Variants in FGF14 observed in about 807,000 individuals in gnomAD.
The protein encoded by FGF14 is fibroblast growth factor homologous factor 4.
A neutral mutation model predicts 25.5 loss-of-function variants in FGF14; 5 were observed. That is an observed-to-expected ratio of 0.20 (90% confidence interval 0.10 to 0.41). FGF14 has a LOEUF of 0.41. FGF14 is among the 10% of genes least tolerant of loss of function. The probability of loss-of-function intolerance (pLI) is 1.00; values close to 1 mark genes in which losing one functional copy is unlikely to be tolerated. For missense variants in FGF14, 222 were observed against 320.1 expected, an observed-to-expected ratio of 0.69 and a Z score of 2.34; for synonymous variants, 138 against 118.3, an observed-to-expected ratio of 1.17 and a Z score of -1.08.
intron 1 of FGF14, among the ~76,000 whole-genome samples, chr13:101,973,051 AAAG>A (rs1381895363): frequency 6.6e-6 from 1 of 152,206 alleles, no homozygotes; most frequent in Non-Finnish European, 1.5e-5. Flanking sequence ...CTTCACTTAA[AAAG>A]AAGAAAACTC....
At chr13:102,041,105 A>T (rs2041710921) in intron 1 of FGF14, among the ~76,000 whole-genome samples, 1 of 152,024 alleles carries the variant, frequency 6.6e-6, no homozygotes, top group Non-Finnish European at 1.5e-5. Context: ...TTACAAACAA[A>T]TATTGTATGT....
In FGF14 at chr13:101,790,409, C is replaced by CTT. The variant is rs3064706; in HGVS notation, c.409-63601_409-63600dup. Reference sequence around the variant, plus strand: ...TTTACTAGCTGGCTCTATTCATTTTCTTTTTTTTTTTTTTTTAACTTTTGT... The same window carrying CTT: ...TTTACTAGCTGGCTCTATTCATTTTCTTTTTTTTTTTTTTTTTTAACTTTTGT... On this transcript the variant is annotated intron_variant, in intron 3 of 4. Coordinates refer to ENST00000376143, the MANE Select transcript of FGF14 (RefSeq NM_004115.4). Among the ~76,000 whole-genome samples, 186 of 143,166 alleles carry CTT rather than the reference C, an allele frequency of 1.3e-3. 1 individual carries two copies. The highest frequency in any genetic ancestry group is 4.0e-3 in the East Asian group (19 of 4,694). The allele number at this position is 143,166 out of a possible 152,430, so 93.9% of individuals were successfully genotyped here.
At chr13:101,785,704 T>C (rs1232952659) in intron 3 of FGF14, among the ~76,000 whole-genome samples, 3 of 152,212 alleles carry the variant, frequency 2.0e-5, no homozygotes, top group African/African-American at 4.8e-5. Context: ...GCTGGCTCTA[T>C]AGTATTATAT....
intron 1 of FGF14, among the ~76,000 whole-genome samples, chr13:102,040,586 G>A (rs1241754667): frequency 6.6e-6 from 1 of 152,122 alleles, no homozygotes; most frequent in Non-Finnish European, 1.5e-5. Context: ...CGCTAGGAAA[G>A]CTTCTTTGTA....
At chr13:102,052,009 T>G (rs1022850492) in intron 1 of FGF14, among the ~76,000 whole-genome samples, 1 of 152,212 alleles carries the variant, frequency 6.6e-6, no homozygotes, top group Non-Finnish European at 1.5e-5. Context: ...ACAATTCAGT[T>G]AATCAGGAAA....
chr13:102,078,144 G>A (rs1595193449), intron 1 of FGF14, among the ~76,000 whole-genome samples: 1 of 152,094 alleles, frequency 6.6e-6, no homozygotes, highest in Admixed American at 6.5e-5. Context: ...CGGGGTGGGG[G>A]CTCAGAAGAT....
rs543798181 is a variant in FGF14 at position 102,208,930 on chromosome 13, C to T, written c.208+192541G>A. Among the ~76,000 whole-genome samples the T allele has an allele frequency of 5.0e-4, 76 of 152,228 alleles. 1 individual carries two copies. In the South Asian group the frequency reaches 6.2e-3, roughly 12 times the overall value. ...AAATAGGCTCGTTGTATTATTTCTA[C>T]CCAAATTTAAATGATTCTTTTCACT... On this transcript the variant is annotated intron_variant, in intron 1 of 4. Transcript: ENST00000376131.
chr13:101,943,826 A>AAAAAATATAT (rs1555324449), intron 1 of FGF14, among the ~76,000 whole-genome samples: 1 of 126,808 alleles, frequency 7.9e-6, no homozygotes, highest in African/African-American at 3.4e-5. Context: ...AAAAAAAAAA[A>AAAAAATATAT]ATATATATAT....
At chr13:102,247,301 C>T (rs1481485079) in intron 1 of FGF14, among the ~76,000 whole-genome samples, 1 of 151,940 alleles carries the variant, frequency 6.6e-6, no homozygotes, top group Non-Finnish European at 1.5e-5. Flanking sequence ...AACAGACAAC[C>T]TACAGGATGG....
chr13:102,282,224 G>C (rs1049031059), intron 1 of FGF14, among the ~76,000 whole-genome samples: 4 of 151,958 alleles, frequency 2.6e-5, no homozygotes, highest in African/African-American at 4.8e-5. Flanking sequence ...GCACTACCAT[G>C]CCAAGCTAAT....
chr13:102,016,246 T>G (rs1033285940), intron 1 of FGF14, among the ~76,000 whole-genome samples: 18 of 152,246 alleles, frequency 1.2e-4, no homozygotes, highest in South Asian at 4.1e-4. Context: ...AAACAAACTA[T>G]TTTCTCTTCC....
intron 1 of FGF14, among the ~76,000 whole-genome samples, chr13:102,352,489 C>A (rs1398306381): frequency 3.3e-5 from 5 of 152,152 alleles, no homozygotes; most frequent in Non-Finnish European, 5.9e-5. Context: ...TAGCCATCAG[C>A]AATTACATAA....
At chr13:102,310,035 G>A (rs2055647319) in intron 1 of FGF14, among the ~76,000 whole-genome samples, 1 of 152,248 alleles carries the variant, frequency 6.6e-6, no homozygotes, top group Admixed American at 6.5e-5. Flanking sequence ...GTGACTCTAA[G>A]CTGTCACTTC....
intron 1 of FGF14, among the ~76,000 whole-genome samples, chr13:102,170,578 C>T (rs1215630347): frequency 1.3e-5 from 2 of 152,072 alleles, no homozygotes; most frequent in East Asian, 3.9e-4. Context: ...TGGTGAAAGG[C>T]CGACAATGAC....
chr13:102,220,195 A>G (rs139697300), intron 1 of FGF14, among the ~76,000 whole-genome samples: 1 of 152,146 alleles, frequency 6.6e-6, no homozygotes, highest in African/African-American at 2.4e-5. Flanking sequence ...CTGTAAGAGA[A>G]AAGTGCTTTT....
chr13:102,332,165 G>A (rs1391747885), intron 1 of FGF14, among the ~76,000 whole-genome samples: 1 of 152,042 alleles, frequency 6.6e-6, no homozygotes, highest in African/African-American at 2.4e-5. Flanking sequence ...TGTAGAGATA[G>A]GAAAAGATGG....
intron 1 of FGF14, among the ~76,000 whole-genome samples, chr13:102,233,659 A>G (rs1488052191): frequency 6.6e-6 from 1 of 152,176 alleles, no homozygotes; most frequent in African/African-American, 2.4e-5. Context: ...GTGACTCCCC[A>G]TAGCTGAAGA....
chr13:102,045,326 G>C (rs760178987), intron 1 of FGF14, among the ~76,000 whole-genome samples: 1 of 151,984 alleles, frequency 6.6e-6, no homozygotes, highest in Non-Finnish European at 1.5e-5. Flanking sequence ...ACACACAGAA[G>C]TTTCAATTTT....
intron 3 of FGF14, among the ~76,000 whole-genome samples, chr13:101,742,799 T>C (rs1279654870): frequency 6.6e-6 from 1 of 152,070 alleles, no homozygotes. Context: ...AAAAGCTACA[T>C]ACCTCCCTCG....
Sources: allele counts gnomAD v4.1 joint callset (sites outside exome capture counted in the v4.1 genomes callset), GRCh38; gene constraint gnomAD v4.1.1; transcripts MANE v1.5; gene names NCBI Gene and HGNC (gene_info 2026-07-23, HGNC 2026-07-21).